Variants in AUTS2 observed in about 807,000 individuals in gnomAD.
AUTS2 encodes the protein activator of transcription and developmental regulator AUTS2.
AUTS2 carries 17 observed loss-of-function variants against 112.4 expected under a neutral mutation model. The observed-to-expected ratio is 0.15, with a 90% CI of 0.10 to 0.23. The LOEUF is 0.23. Among genes scored for constraint, AUTS2 ranks in the 10% least tolerant of loss-of-function variants. The probability of loss-of-function intolerance (pLI) is 1.00; values close to 1 mark genes in which losing one functional copy is unlikely to be tolerated. For missense variants in AUTS2, 1,510 were observed against 1,701.6 expected (o/e 0.89, Z 1.98); for synonymous variants, 751 against 702.7 (o/e 1.07, Z -1.09).
chr7:70,467,968 A>T (rs371214950), intron 5 of AUTS2, among the ~76,000 whole-genome samples: 2 of 152,336 alleles, frequency 1.3e-5, no homozygotes, highest in East Asian at 3.9e-4. Context: ...CCACCTTCAG[A>T]TACAGAGTTG....
Position 70,196,001 on chromosome 7 carries a change from C to CCT in AUTS2, c.660+61431_660+61432insTC, listed in dbSNP as rs1288319733. Among the ~76,000 whole-genome samples the CCT allele has an allele frequency of 2.0e-5, 3 of 152,194 alleles. No individual in the cohort carries two copies. The East Asian group carries it at 5.8e-4, about 29-fold the overall frequency. ...ACTGGATTAAATGATGTTGCTGTGC[C>CCT]CATAAGAAAGGCAGGTATTGGGCAG... On this transcript the variant is annotated intron_variant, in intron 4 of 18. Transcript: ENST00000342771.
At chr7:70,475,907 T>C (rs925515712) in intron 5 of AUTS2, among the ~76,000 whole-genome samples, 5 of 152,082 alleles carry the variant, frequency 3.3e-5, no homozygotes, top group Middle Eastern at 3.2e-3. Flanking sequence ...TGGGTGCCTG[T>C]AGTCCCAGCT....
At chr7:70,243,601 A>C (rs1167854592) in intron 4 of AUTS2, among the ~76,000 whole-genome samples, 2 of 152,114 alleles carry the variant, frequency 1.3e-5, no homozygotes, top group Non-Finnish European at 2.9e-5. Context: ...GAAAGTGATG[A>C]GTCAGCTCAA....
At chr7:70,113,335 AC>A (rs1446347341) in intron 2 of AUTS2, among the ~76,000 whole-genome samples, 3 of 152,184 alleles carry the variant, frequency 2.0e-5, no homozygotes, top group Non-Finnish European at 4.4e-5. Flanking sequence ...CATCTGAAAT[AC>A]GCTTTAAAAC....
chr7:70,577,622 C>T (rs2129526596), intron 5 of AUTS2, among the ~76,000 whole-genome samples: 1 of 152,214 alleles, frequency 6.6e-6, no homozygotes, highest in Non-Finnish European at 1.5e-5. Flanking sequence ...GGTTGATCAA[C>T]AAGGTTGATG....
chr7:69,667,597 C>G (rs914370873), intron 1 of AUTS2, among the ~76,000 whole-genome samples: 12 of 152,294 alleles, frequency 7.9e-5, no homozygotes, highest in Admixed American at 7.8e-4. Flanking sequence ...CTCAGGTGAT[C>G]TGCCTGCCTT....
intron 2 of AUTS2, among the ~76,000 whole-genome samples, chr7:70,091,243 A>G (rs1803905459): frequency 1.3e-5 from 2 of 152,124 alleles, no homozygotes; most frequent in African/African-American, 4.8e-5. Context: ...GATGCTCTTA[A>G]GAATTTCTTT....
intron 4 of AUTS2, among the ~76,000 whole-genome samples, chr7:70,164,751 A>G (rs1460428729): frequency 5.3e-5 from 8 of 152,134 alleles, no homozygotes; most frequent in Non-Finnish European, 1.2e-4. Flanking sequence ...TGAAAGAAGT[A>G]GTTACCCATT....
intron 5 of AUTS2, among the ~76,000 whole-genome samples, chr7:70,572,694 G>C (rs1407222231): frequency 1.3e-5 from 2 of 152,110 alleles, no homozygotes; most frequent in Admixed American, 6.5e-5. Flanking sequence ...GCCAGTGTCG[G>C]GATGTGGTGG....
At chr7:70,656,409 C>A (rs1806773371) in intron 5 of AUTS2, among the ~76,000 whole-genome samples, 1 of 151,158 alleles carries the variant, frequency 6.6e-6, no homozygotes, top group Non-Finnish European at 1.5e-5. Flanking sequence ...CTCTTATTGT[C>A]TTTTTTTTTA....
In AUTS2 at chr7:70,093,705, C is replaced by T. The variant is rs115309869; in HGVS notation, c.523-24427C>T. On this transcript the variant is annotated intron_variant, in intron 2 of 18. Coordinates refer to ENST00000342771, the MANE Select transcript of AUTS2 (RefSeq NM_015570.4). ...GCTGCTAGGCTGCCTGGGCTTAAGG[C>T]CAGGAGATTCTGTATCAAAAAGAAA... Among the ~76,000 whole-genome samples the T allele has an allele frequency of 2.9e-3, 444 of 152,260 alleles. 5 individuals carry two copies. Among genetic ancestry groups the T allele is most frequent in the African/African-American group, 0.01 (430 of 41,542 alleles).
intron 4 of AUTS2, among the ~76,000 whole-genome samples, chr7:70,225,700 T>C (rs920407846): frequency 6.6e-6 from 1 of 152,236 alleles, no homozygotes; most frequent in African/African-American, 2.4e-5. Flanking sequence ...TGATGACTTA[T>C]ATAAATTATT....
chr7:70,673,230 C>G (rs1414167692), intron 5 of AUTS2, among the ~76,000 whole-genome samples: 1 of 152,206 alleles, frequency 6.6e-6, no homozygotes, highest in Non-Finnish European at 1.5e-5. Context: ...ATCAGAAAGT[C>G]ACTTGCTGAC....
chr7:70,404,920 G>A (rs201941406), intron 4 of AUTS2, among the ~76,000 whole-genome samples: 10 of 147,724 alleles, frequency 6.8e-5, no homozygotes, highest in Non-Finnish European at 1.0e-4. Flanking sequence ...GTTAGAAACC[G>A]GGGCAAAAGT....
At chr7:70,655,174 C>A (rs566895970) in intron 5 of AUTS2, among the ~76,000 whole-genome samples, 30 of 152,350 alleles carry the variant, frequency 2.0e-4, no homozygotes, top group African/African-American at 7.2e-4. Flanking sequence ...GAAGCAGCGG[C>A]CCCTGCCCAC....
chr7:70,689,334 T>G (rs1291649943), intron 5 of AUTS2, among the ~76,000 whole-genome samples: 3 of 152,146 alleles, frequency 2.0e-5, no homozygotes, highest in African/African-American at 7.2e-5. Context: ...TGAGCTGTGA[T>G]GGCACCACTG....
chr7:69,921,365 T>A, intron 2 of AUTS2, among the ~76,000 whole-genome samples: 1 of 132,626 alleles, frequency 7.5e-6, no homozygotes. Context: ...CCGTAATAAC[T>A]AGGAAAAGTA....
chr7:69,947,584 A>T (rs922506295), intron 2 of AUTS2, among the ~76,000 whole-genome samples: 1 of 152,208 alleles, frequency 6.6e-6, no homozygotes, highest in Non-Finnish European at 1.5e-5. Flanking sequence ...TAAAATTATA[A>T]ACAAGGCCCA....
At chr7:70,398,928 G>T (rs74758593) in intron 4 of AUTS2, among the ~76,000 whole-genome samples, 190 of 149,282 alleles carry the variant, frequency 1.3e-3, no homozygotes, top group African/African-American at 4.4e-3. Flanking sequence ...TGATTTTTGT[G>T]TGTGTTTTTT....
Sources: allele counts gnomAD v4.1 joint callset (sites outside exome capture counted in the v4.1 genomes callset), GRCh38; gene constraint gnomAD v4.1.1; transcripts MANE v1.5; gene names NCBI Gene and HGNC (gene_info 2026-07-23, HGNC 2026-07-21).